KCNG4: variants seen among roughly 807,000 people sequenced by gnomAD.
KCNG4 encodes the protein voltage-gated potassium channel regulatory subunit KCNG4.
Under a neutral mutation model 28.2 loss-of-function variants are expected in KCNG4, and 30 were observed. The observed-to-expected ratio is 1.06, with a 90% CI of 0.80 to 1.44. KCNG4 has a LOEUF of 1.44. Ranked by LOEUF, KCNG4 falls within the 40% of genes most tolerant of loss-of-function variation. The probability of loss-of-function intolerance (pLI) is 0.00; values close to 1 mark genes in which losing one functional copy is unlikely to be tolerated. For synonymous variants in KCNG4, 375 were observed against 315.5 expected (o/e 1.19, Z -2.00); for missense variants, 879 against 712.3 (o/e 1.23, Z -2.66).
chr16:84,224,085 C>G (rs2151336263), intron 2 of KCNG4, among the ~76,000 whole-genome samples: 1 of 152,282 alleles, frequency 6.6e-6, no homozygotes, highest in African/African-American at 2.4e-5. Flanking sequence ...AAAGCATCAG[C>G]CTCCCCGAGG....
At position 84,222,640 on chromosome 16, in the gene KCNG4, G is replaced by T. The variant is rs747441336; in HGVS notation, c.1137C>A (p.Ala379=). 1.2e-6 allele frequency: 2 copies of T among 1,613,318 alleles called. No individual in the cohort carries two copies. The highest frequency in any genetic ancestry group is 1.7e-6 in the Non-Finnish European group (2 of 1,179,968). The change falls in exon 3 of 3, where the codon GCC becomes GCA. Residue 379 remains alanine (A), a synonymous_variant. Coordinates refer to ENST00000308251, the MANE Select transcript of KCNG4 (RefSeq NM_172347.3). The part of the protein sequence containing the change: ...REFGLLLLFL[A]VAITLFSPLV... ...AAGGGGAGAAGAGGGTGATGGCCAC[G>T]GCCAGGAAGAGAAGGAGCAGGCCGA...
chr16:84,227,916 G>A (rs1904733412), intron 2 of KCNG4, among the ~76,000 whole-genome samples: 1 of 152,186 alleles, frequency 6.6e-6, no homozygotes, highest in Non-Finnish European at 1.5e-5. Flanking sequence ...TCCGGGGCTG[G>A]ATGGAGGAGG....
chr16:84,236,744 C>T lies in KCNG4; in HGVS notation c.742G>A (p.Ala248Thr). 1.2e-6 allele frequency: 2 copies of T among 1,612,398 alleles called. No individual in the cohort carries two copies. Among genetic ancestry groups the T allele is most frequent in the South Asian group, 2.2e-5 (2 of 90,944 alleles). Reference protein sequence around the residue: ...LCVSTMPDLRAEEDQGECSRK... With the variant: ...LCVSTMPDLRTEEDQGECSRK... ...AGGCCGCTCACCTGGTCCTCCTCTG[C>T]CCTGAGGTCGGGCATGGTGCTGACA... Residue 248 changes from alanine to threonine, a missense_variant, in exon 2 of 3, where the codon GCA becomes ACA. Physicochemically the swap from Ala to Thr is moderately conservative, Grantham distance 58 (BLOSUM62 0). Coordinates refer to ENST00000308251, the MANE Select transcript of KCNG4 (RefSeq NM_172347.3).
rs143148672 is a variant in KCNG4 at position 84,219,232 on chromosome 16, T to C, written c.*2985A>G. The C allele has an allele frequency of 4.0e-4, 61 of 152,398 alleles. No individual in the cohort carries two copies. The highest frequency in any genetic ancestry group is 1.4e-3 in the African/African-American group (57 of 41,582). The allele number at this position is 152,398 out of a possible 1,614,324, so 9.4% of individuals were successfully genotyped here. A position where few individuals can be genotyped will look rare whatever the true frequency, so the allele number is the denominator to read the frequency against. ...TTCATCCGCAGGACAGTCCCTGAGC[T>C]TGCTTTGTGGAACCCAGGTCAGAAA... On this transcript the variant is annotated 3_prime_UTR_variant, in exon 3 of 3. Coordinates refer to ENST00000308251, the MANE Select transcript of KCNG4 (RefSeq NM_172347.3).
At chr16:84,234,839 G>T (rs1027616126) in intron 2 of KCNG4, among the ~76,000 whole-genome samples, 5 of 152,118 alleles carry the variant, frequency 3.3e-5, no homozygotes, top group African/African-American at 1.2e-4. Flanking sequence ...ATCCTTTTAC[G>T]TAAATGTAAG....
chr16:84,236,335 A>C (rs942754745), intron 2 of KCNG4: 1 of 298,742 alleles, frequency 3.3e-6, no homozygotes, highest in Non-Finnish European at 6.2e-6. Context: ...TGGGTGAGTA[A>C]ACCTTCGAGG....
chr16:84,238,323 C>T lies in KCNG4; in HGVS notation c.-40-798G>A, dbSNP rs562034107. On this transcript the variant is annotated intron_variant, in intron 1 of 2. Coordinates refer to ENST00000308251, the MANE Select transcript of KCNG4 (RefSeq NM_172347.3). Reference sequence around the variant, plus strand: ...CAGCGAGGGTCTGTTATTAAAGGTTCGAGTAGCCCAGGAATGTGACTATGC... The same window carrying T: ...CAGCGAGGGTCTGTTATTAAAGGTTTGAGTAGCCCAGGAATGTGACTATGC... 3.9e-4 allele frequency among the ~76,000 whole-genome samples: 60 copies of T among 152,284 alleles called. 1 individual carries two copies. In the South Asian group the frequency reaches 0.012, roughly 32 times the overall value.
chr16:84,222,207 G>A lies in KCNG4; in HGVS notation c.*10C>T, dbSNP rs749173891. On this transcript the variant is annotated 3_prime_UTR_variant, in exon 3 of 3. Transcript: ENST00000308251. Reference sequence around the variant, plus strand: ...GTTGAGGTTACCATGTAGTCATGGGGGGTGCTGAGTTACATGTGCATGATA... The same window carrying A: ...GTTGAGGTTACCATGTAGTCATGGGAGGTGCTGAGTTACATGTGCATGATA... 20 of 1,613,232 alleles carry A rather than the reference G, an allele frequency of 1.2e-5. No homozygotes were observed. The highest frequency in any genetic ancestry group is 1.7e-5 in the Non-Finnish European group (20 of 1,179,582).
chr16:84,237,596 C>G, intron 1 of KCNG4, 71 bp from the exon 2 acceptor site: 2 of 1,061,978 alleles, frequency 1.9e-6, no homozygotes, highest in Non-Finnish European at 2.6e-6. Context: ...TCCTGGATGT[C>G]ACGACTGCAG....
chr16:84,230,475 G>C lies in KCNG4; in HGVS notation c.756+6255C>G, dbSNP rs184358619. 3.9e-4 allele frequency among the ~76,000 whole-genome samples: 59 copies of C among 150,508 alleles called. 3 individuals are homozygous for C. The East Asian group carries it at 8.4e-3, about 21-fold the overall frequency. On this transcript the variant is annotated intron_variant, in intron 2 of 2. Transcript: ENST00000308251. ...TAGTCGCAGCTACTCAGGAGGCTGA[G>C]GCAGGAGAATGGCGTGAACCCGGGG...
Position 84,236,981 on chromosome 16 carries a change from G to A in KCNG4, c.505C>T (p.Leu169=). ...RCCLRKLLRK[L]EELEELAKLH... Reference sequence around the variant, plus strand: ...TTGGCCAGCTCCTCCAGCTCCTCCAGCTTCCTCAGCAGCTTCCGCAGGCAG... The same window carrying A: ...TTGGCCAGCTCCTCCAGCTCCTCCAACTTCCTCAGCAGCTTCCGCAGGCAG... Residue 169 remains leucine, a synonymous_variant, in exon 2 of 3, where the codon CTG becomes TTG. Transcript: ENST00000308251. 1 of 1,613,808 alleles carries A rather than the reference G, an allele frequency of 6.2e-7. No individual in the cohort carries two copies. The highest frequency in any genetic ancestry group is 1.3e-5 in the African/African-American group (1 of 75,040).
chr16:84,239,480 A>C (rs935517244), intron 1 of KCNG4, among the ~76,000 whole-genome samples, 190 bp downstream of exon 1: 3 of 152,204 alleles, frequency 2.0e-5, no homozygotes, highest in Non-Finnish European at 4.4e-5. Context: ...CCCTTTCTGC[A>C]TTCACTGAAT....
In KCNG4 at chr16:84,223,129, C is replaced by T. The variant is rs1904619967; in HGVS notation, c.757-109G>A. 7 of 835,612 alleles carry T rather than the reference C, an allele frequency of 8.4e-6. No individual in the cohort carries two copies. In the South Asian group the frequency reaches 1.2e-4, roughly 14 times the overall value. The allele number at this position is 835,612 out of a possible 1,614,324, so 51.8% of individuals were successfully genotyped here. On this transcript the variant is annotated intron_variant, in intron 2 of 2. Transcript: ENST00000308251. ...AGCTTTGTGCTGTAAACTTAGTCGT[C>T]CACCAGAACCTCCTTTTACACAGTT...
intron 2 of KCNG4, among the ~76,000 whole-genome samples, chr16:84,225,857 T>A (rs1001018215): frequency 2.0e-5 from 3 of 152,234 alleles, no homozygotes; most frequent in Non-Finnish European, 4.4e-5. Flanking sequence ...CAGGCTCTGC[T>A]GTGCATCCTA....
chr16:84,225,522 C>A (rs778040383), intron 2 of KCNG4, among the ~76,000 whole-genome samples: 2 of 152,258 alleles, frequency 1.3e-5, no homozygotes, highest in Non-Finnish European at 2.9e-5. Flanking sequence ...CCCCCATTCA[C>A]TCTGAGGCAC....
At chr16:84,238,682 G>A (rs1905034850) in intron 1 of KCNG4, among the ~76,000 whole-genome samples, 3 of 152,088 alleles carry the variant, frequency 2.0e-5, no homozygotes, top group Admixed American at 2.0e-4. Context: ...AGACCAGCCT[G>A]GCCAATGAAA....
intron 2 of KCNG4, among the ~76,000 whole-genome samples, chr16:84,228,856 G>A (rs2151337764): frequency 6.6e-6 from 1 of 152,360 alleles, no homozygotes; most frequent in African/African-American, 2.4e-5. Context: ...AATCTACGCT[G>A]CTTCTCTTCC....
rs143847774 is a variant in KCNG4 at position 84,222,619 on chromosome 16, G to A, written c.1158C>T (p.Ser386=). 18,263 of 1,613,326 alleles carry A rather than the reference G, an allele frequency of 0.011. 148 individuals carry two copies. The highest frequency in any genetic ancestry group is 0.013 in the Non-Finnish European group (15,426 of 1,179,964). The part of the protein sequence containing the change: ...LFLAVAITLF[S]PLVYVAEKES... ...CCTTCTCGGCCACGTAGACCAAAGG[G>A]GAGAAGAGGGTGATGGCCACGGCCA... The change falls in exon 3 of 3, where the codon TCC becomes TCT. Residue 386 remains serine (S), a synonymous_variant. Coordinates refer to ENST00000308251, the MANE Select transcript of KCNG4 (RefSeq NM_172347.3).
In KCNG4 at chr16:84,233,562, G is replaced by A. The variant is rs144184700; in HGVS notation, c.756+3168C>T. 5.4e-3 allele frequency among the ~76,000 whole-genome samples: 824 copies of A among 152,170 alleles called. 12 individuals are homozygous for A. The highest frequency in any genetic ancestry group is 0.019 in the African/African-American group (782 of 41,508). The stretch of plus-strand genomic sequence containing the variant: ...TACAAAAAATACAAAAAATTAGCTG[G>A]GTGTGGTGACACCCACCTGTAGTCC... On this transcript the variant is annotated intron_variant, in intron 2 of 2. Transcript: ENST00000308251.
Sources: allele counts gnomAD v4.1 joint callset (sites outside exome capture counted in the v4.1 genomes callset), GRCh38; gene constraint gnomAD v4.1.1; transcripts MANE v1.5; gene names NCBI Gene and HGNC (gene_info 2026-07-23, HGNC 2026-07-21).